NF1: variants seen among roughly 807,000 people sequenced by gnomAD.
NF1 encodes neurofibromin.
Under a neutral mutation model 325.7 loss-of-function variants are expected in NF1, and 122 were observed. The ratio of observed to expected loss-of-function variants is 0.37; its 90% CI spans 0.32 to 0.44. NF1 has a LOEUF of 0.44. Ranked by LOEUF, NF1 falls within the 20% of genes least tolerant of loss-of-function variation. The pLI is 1.00. For synonymous variants in NF1, 1,091 were observed against 1,186.0 expected (o/e 0.92, Z 1.65); for missense variants, 2,140 against 3,415.4 (o/e 0.63, Z 9.31).
intron 36 of NF1, chr17:31,295,860 G>T: frequency 6.2e-7 from 1 of 1,614,196 alleles, no homozygotes; most frequent in Non-Finnish European, 8.5e-7. Flanking sequence ...ACTGTCCAAA[G>T]TTTGTTACTA....
At chr17:31,337,788 C>A (rs1567617630) in intron 43 of NF1, 31 bp from the exon 44 acceptor site, 1 of 1,602,640 alleles carries the variant, frequency 6.2e-7, no homozygotes. Flanking sequence ...CATTTATGTA[C>A]AATATGTATT....
At chr17:31,285,614 A>C (rs1291181188) in intron 36 of NF1, among the ~76,000 whole-genome samples, 1 of 152,114 alleles carries the variant, frequency 6.6e-6, no homozygotes, top group African/African-American at 2.4e-5. Context: ...TTGGGAGGCC[A>C]AGGCAGGTAG....
intron 36 of NF1, among the ~76,000 whole-genome samples, chr17:31,324,964 G>C (rs2069305178): frequency 6.6e-6 from 1 of 152,046 alleles, no homozygotes; most frequent in Admixed American, 6.5e-5. Flanking sequence ...GAAAACTTTG[G>C]GCCTAAGTTA....
intron 11 of NF1, among the ~76,000 whole-genome samples, chr17:31,203,698 A>T (rs1373177214): frequency 6.6e-6 from 1 of 152,122 alleles, no homozygotes; most frequent in Admixed American, 6.5e-5. Flanking sequence ...TTCGTAGTGT[A>T]AATTTTTTTT....
chr17:31,236,068 T>G (rs1567852916), intron 29 of NF1, 47 bp downstream of exon 29: 2 of 1,427,822 alleles, frequency 1.4e-6, no homozygotes, highest in South Asian at 2.3e-5. Flanking sequence ...TTTTTTTTTT[T>G]TTGTTTGTTT....
chr17:31,282,440 A>G (rs1202157946), intron 36 of NF1, among the ~76,000 whole-genome samples: 2 of 150,980 alleles, frequency 1.3e-5, no homozygotes, highest in African/African-American at 4.9e-5. Context: ...ACTCATTACC[A>G]CTGTCTAATT....
chr17:31,194,898 T>A (rs2066407466), intron 8 of NF1, among the ~76,000 whole-genome samples: 1 of 152,178 alleles, frequency 6.6e-6, no homozygotes, highest in Non-Finnish European at 1.5e-5. Context: ...TTCAGCTTTC[T>A]GATGCTTAGA....
At chr17:31,195,618 A>G (rs1321967901) in intron 8 of NF1, among the ~76,000 whole-genome samples, 2 of 152,128 alleles carry the variant, frequency 1.3e-5, no homozygotes, top group Non-Finnish European at 1.5e-5. Context: ...GGACTCATAC[A>G]GTATTTGTCT....
chr17:31,192,652 A>G (rs796555892), intron 8 of NF1, among the ~76,000 whole-genome samples: 1 of 152,208 alleles, frequency 6.6e-6, no homozygotes, highest in Non-Finnish European at 1.5e-5. Flanking sequence ...AAGAAGGAAA[A>G]CAAAGGGAAA....
chr17:31,377,206 A>C lies in NF1; in HGVS notation c.*3051A>C, dbSNP rs1711879474. ...TTTTAATGCAGTATATTCACCTGTA[A>C]ATAGTTTGTGTAAAATTTGACAAAA... On this transcript the variant is annotated 3_prime_UTR_variant, in exon 58 of 58. Coordinates refer to ENST00000358273, the MANE Select transcript of NF1 (RefSeq NM_001042492.3). The C allele has an allele frequency of 1.7e-5, 4 of 233,446 alleles. No homozygotes were observed. Among genetic ancestry groups the C allele is most frequent in the Non-Finnish European group, 3.4e-5 (4 of 118,000 alleles). 14.5% of individuals were successfully genotyped at this position (233,446 alleles called of 1,614,324 possible).
intron 12 of NF1, among the ~76,000 whole-genome samples, chr17:31,212,823 G>A (rs2066752566): frequency 6.6e-6 from 1 of 152,064 alleles, no homozygotes; most frequent in Admixed American, 6.5e-5. Context: ...ATGACTAGAA[G>A]TGAAGATTTG....
intron 25 of NF1, 66 bp downstream of exon 25, chr17:31,232,255 G>A: frequency 3.1e-6 from 3 of 980,612 alleles, no homozygotes; most frequent in South Asian, 1.3e-5. Flanking sequence ...CACAAAAAAA[G>A]CAAAGAAATA....
chr17:31,336,508 A>C lies in NF1; in HGVS notation c.6147+35A>C. 1 of 1,613,490 alleles carries C rather than the reference A, an allele frequency of 6.2e-7. No individual in the cohort carries two copies. Among genetic ancestry groups the C allele is most frequent in the East Asian group, 2.2e-5 (1 of 44,860 alleles). ...TTTCTTTTGCCTTCTGTACTATAGC[A>C]TATCTGTTTTATCATCAGGAGGTTT... is the stretch of plus-strand genomic sequence containing the variant. On this transcript the variant is annotated intron_variant, in intron 41 of 57. Coordinates refer to ENST00000358273, the MANE Select transcript of NF1 (RefSeq NM_001042492.3). The surrounding 1 kb of genome is among the most constrained non-coding windows in gnomAD (Gnocchi z 5.5).
At chr17:31,199,722 G>A (rs2066492920) in intron 8 of NF1, among the ~76,000 whole-genome samples, 1 of 152,154 alleles carries the variant, frequency 6.6e-6, no homozygotes, top group Non-Finnish European at 1.5e-5. Flanking sequence ...TATTTAGAAG[G>A]CTGAAGGTTG....
intron 34 of NF1, 120 bp from the exon 35 acceptor site, chr17:31,261,591 T>C: frequency 9.8e-7 from 1 of 1,019,306 alleles, no homozygotes; most frequent in Non-Finnish European, 1.5e-6. Context: ...TGAGGTCTTT[T>C]TGGTGCTGTT....
rs938490637 is a variant in NF1 at position 31,351,478 on chromosome 17, A to G, written c.7458-779A>G. On this transcript the variant is annotated intron_variant, in intron 50 of 57. Transcript: ENST00000358273. Reference sequence around the variant, plus strand: ...GTCGCCCAGGCTGGAGTGCAGTAACACAATCTCGGCTCACTACAACCTCCG... The same window carrying G: ...GTCGCCCAGGCTGGAGTGCAGTAACGCAATCTCGGCTCACTACAACCTCCG... 3.3e-5 allele frequency among the ~76,000 whole-genome samples: 5 copies of G among 152,224 alleles called. No individual in the cohort carries two copies. The East Asian group carries it at 9.7e-4, about 29-fold the overall frequency.
At position 31,329,064 on chromosome 17, in the gene NF1, G is replaced by A. The variant is rs149415236; in HGVS notation, c.5609+1225G>A. Among the ~76,000 whole-genome samples the A allele has an allele frequency of 3.9e-4, 59 of 152,304 alleles. No homozygotes were observed. In the East Asian group the frequency reaches 5.6e-3, roughly 14 times the overall value. ...TAGTCCCAGCTACTCGGGAGGCTGAGGCGGGAGGACAGCTTGAGCTCAGGA... is the reference window on the plus strand; with the variant it reads ...TAGTCCCAGCTACTCGGGAGGCTGAAGCGGGAGGACAGCTTGAGCTCAGGA... On this transcript the variant is annotated intron_variant, in intron 38 of 57. Coordinates refer to ENST00000358273, the MANE Select transcript of NF1 (RefSeq NM_001042492.3).
chr17:31,155,970 C>CT lies in NF1; in HGVS notation c.61-4dup, dbSNP rs551568608. 964 of 1,527,950 alleles carry CT rather than the reference C, an allele frequency of 6.3e-4. 5 individuals carry two copies. In the African/African-American group the frequency reaches 9.6e-3, roughly 15 times the overall value. The allele number at this position is 1,527,950 out of a possible 1,614,324, so 94.6% of individuals were successfully genotyped here. A position where few individuals can be genotyped will look rare whatever the true frequency, so the allele number is the denominator to read the frequency against. On this transcript the variant is annotated splice_polypyrimidine_tract_variant and intron_variant, in intron 1 of 57. Coordinates refer to ENST00000358273, the MANE Select transcript of NF1 (RefSeq NM_001042492.3). ...TAAGCTGTTAACGTGTTTTTTTTTT[C>CT]TTTTTTTTTCAGCTTCCAATAAAAA...
At position 31,181,803 on chromosome 17, in the gene NF1, T is replaced by A. The variant is rs2143779066; in HGVS notation, c.730+18T>A. 8.0e-7 allele frequency: 1 copy of A among 1,248,324 alleles called. No homozygotes were observed. Among genetic ancestry groups the A allele is most frequent in the South Asian group, 1.5e-5 (1 of 68,264 alleles). 77.3% of individuals were successfully genotyped at this position (1,248,324 alleles called of 1,614,324 possible). Reference sequence around the variant, plus strand: ...TATGGCTGGTAAGGATACGATTGATTTTTTTTTTTTTTTTGTCTTTTAAAT... The same window carrying A: ...TATGGCTGGTAAGGATACGATTGATATTTTTTTTTTTTTTGTCTTTTAAAT... On this transcript the variant is annotated intron_variant, in intron 7 of 57. Transcript: ENST00000358273.
Sources: allele counts gnomAD v4.1 joint callset (sites outside exome capture counted in the v4.1 genomes callset), GRCh38; gene constraint gnomAD v4.1.1; non-coding constraint Gnocchi (gnomAD v3.1); transcripts MANE v1.5; gene names NCBI Gene and HGNC (gene_info 2026-07-23, HGNC 2026-07-21).